The following FAM107B variants were observed in gnomAD, a reference collection of about 807,000 sequenced individuals.
The protein encoded by FAM107B is protein FAM107B.
In FAM107B, 21 loss-of-function variants were observed where a neutral mutation model predicts 31.5. The observed-to-expected ratio is 0.67, with a 90% confidence interval of 0.47 to 0.96. FAM107B has a LOEUF of 0.96. Among genes scored for constraint, FAM107B ranks in the 40% least tolerant of loss-of-function variants. FAM107B has a pLI of 0.00. For missense variants in FAM107B, 452 were observed against 377.1 expected (o/e 1.20, Z -1.64); for synonymous variants, 157 against 141.5 (o/e 1.11, Z -0.78).
chr10:14,719,272 T>C (rs891823431), intron 1 of FAM107B, among the ~76,000 whole-genome samples: 2 of 152,238 alleles, frequency 1.3e-5, no homozygotes, highest in African/African-American at 4.8e-5. Flanking sequence ...CTCCTGGCCC[T>C]ATTTTCTTGC....
At chr10:14,596,696 A>T (rs7919292) in intron 2 of FAM107B, among the ~76,000 whole-genome samples, 44,423 of 151,950 alleles carry the variant, frequency 0.29, 6,780 homozygotes, top group Admixed American at 0.36. Flanking sequence ...GCACAGAATA[A>T]CAGAATTCAC....
chr10:14,609,296 G>T (rs967915529), intron 2 of FAM107B, among the ~76,000 whole-genome samples: 1 of 152,156 alleles, frequency 6.6e-6, no homozygotes. Flanking sequence ...TGGGGTCTAT[G>T]CTGAAGGCCT....
rs115529845 is a variant in FAM107B at position 14,741,169 on chromosome 10, A to G, written c.411+33084T>C. Among the ~76,000 whole-genome samples, 186 of 152,334 alleles carry G rather than the reference A, an allele frequency of 1.2e-3. 1 individual carries two copies. The highest frequency in any genetic ancestry group is 4.4e-3 in the African/African-American group (181 of 41,580). On this transcript the variant is annotated intron_variant, in intron 1 of 4. Transcript: ENST00000181796. ...GGGTACCAGGTGAGGGTTTGGGGGC[A>G]GGAACCTGGGCTACAGAAAGAGGAA...
intron 2 of FAM107B, among the ~76,000 whole-genome samples, chr10:14,643,112 G>GGTAGGTAGATAT (rs897972535): frequency 1.4e-4 from 22 of 152,198 alleles, no homozygotes; most frequent in African/African-American, 4.1e-4. Flanking sequence ...TAGGTAGGTA[G>GGTAGGTAGATAT]GTAGGTAGAT....
chr10:14,603,810 G>C (rs1588652483), intron 2 of FAM107B, among the ~76,000 whole-genome samples: 1 of 151,858 alleles, frequency 6.6e-6, no homozygotes, highest in South Asian at 2.1e-4. Flanking sequence ...TGCCTGGCGG[G>C]GGCTGGCGTC....
chr10:14,553,010 T>C (rs535431614), intron 2 of FAM107B, among the ~76,000 whole-genome samples: 3 of 152,334 alleles, frequency 2.0e-5, no homozygotes, highest in South Asian at 2.1e-4. Context: ...CCAACAGCAA[T>C]GTACATTGGA....
intron 2 of FAM107B, among the ~76,000 whole-genome samples, chr10:14,583,912 G>A (rs1179691589): frequency 6.6e-6 from 1 of 152,170 alleles, no homozygotes; most frequent in East Asian, 1.9e-4. Flanking sequence ...CCCCGAAAGG[G>A]ACTCGTGGTC....
Position 14,694,544 on chromosome 10 carries a change from C to T in FAM107B, c.412-26853G>A, listed in dbSNP as rs570109235. Among the ~76,000 whole-genome samples, 10 of 152,096 alleles carry T rather than the reference C, an allele frequency of 6.6e-5. No individual in the cohort carries two copies. In the East Asian group the frequency reaches 9.7e-4, roughly 15 times the overall value. ...GATTACAGGCATGCGCCACTATGCC[C>T]GGCTAATTTTGTATTTTTAGTAGAG... On this transcript the variant is annotated intron_variant, in intron 1 of 4. Transcript: ENST00000181796.
chr10:14,562,182 G>A (rs1454793183), intron 2 of FAM107B, among the ~76,000 whole-genome samples: 1 of 152,206 alleles, frequency 6.6e-6, no homozygotes, highest in Non-Finnish European at 1.5e-5. Context: ...TTAACCAGTA[G>A]GGATGCCCTC....
At chr10:14,613,010 C>T (rs558832834) in intron 2 of FAM107B, among the ~76,000 whole-genome samples, 7 of 152,146 alleles carry the variant, frequency 4.6e-5, no homozygotes, top group Non-Finnish European at 8.8e-5. Flanking sequence ...CTCACTCTGT[C>T]GCTCAGGCTA....
intron 2 of FAM107B, among the ~76,000 whole-genome samples, chr10:14,648,001 G>GA (rs546564001): frequency 3.8e-4 from 50 of 132,658 alleles, no homozygotes; most frequent in East Asian, 6.4e-4. Context: ...ATTTTTAGCG[G>GA]AAAAAAAAAA....
chr10:14,665,450 G>A (rs1462611837), intron 2 of FAM107B, among the ~76,000 whole-genome samples: 1 of 152,186 alleles, frequency 6.6e-6, no homozygotes, highest in East Asian at 1.9e-4. Flanking sequence ...TCCTCCCAAC[G>A]TGTGTGAACA....
At chr10:14,695,303 G>C (rs1855239035) in intron 1 of FAM107B, among the ~76,000 whole-genome samples, 1 of 152,002 alleles carries the variant, frequency 6.6e-6, no homozygotes, top group African/African-American at 2.4e-5. Flanking sequence ...AAAATTAGTT[G>C]ACCATATGTG....
At chr10:14,758,558 C>T (rs12263001) in intron 1 of FAM107B, among the ~76,000 whole-genome samples, 1 of 152,086 alleles carries the variant, frequency 6.6e-6, no homozygotes, top group Non-Finnish European at 1.5e-5. Flanking sequence ...CCAAGTGATT[C>T]TGAGCATCCA....
chr10:14,589,453 T>C (rs570873625), intron 2 of FAM107B, among the ~76,000 whole-genome samples: 2 of 152,298 alleles, frequency 1.3e-5, no homozygotes, highest in African/African-American at 4.8e-5. Flanking sequence ...TTAGAGCTGG[T>C]AGGTTTTTAA....
intron 1 of FAM107B, among the ~76,000 whole-genome samples, chr10:14,674,255 T>C (rs540780608): frequency 1.3e-5 from 2 of 152,342 alleles, no homozygotes; most frequent in South Asian, 4.1e-4. Flanking sequence ...AATGAGATTA[T>C]ATCAGACTCC....
intron 2 of FAM107B, chr10:14,554,234 C>T (rs1849508497): frequency 3.8e-6 from 3 of 785,960 alleles, no homozygotes; most frequent in South Asian, 1.2e-4. Flanking sequence ...ACGAATACTT[C>T]CCACCTACCT....
intron 1 of FAM107B, among the ~76,000 whole-genome samples, chr10:14,674,179 C>T (rs564788084): frequency 6.6e-6 from 1 of 152,278 alleles, no homozygotes; most frequent in Non-Finnish European, 1.5e-5. Context: ...CACTTCAGCA[C>T]ATTGGTCTAG....
At chr10:14,647,507 C>T (rs1853786645) in intron 2 of FAM107B, among the ~76,000 whole-genome samples, 3 of 151,836 alleles carry the variant, frequency 2.0e-5, no homozygotes, top group South Asian at 2.1e-4. Flanking sequence ...GGTGAAACCC[C>T]GTCTCTACTA....
Sources: allele counts gnomAD v4.1 joint callset (sites outside exome capture counted in the v4.1 genomes callset), GRCh38; gene constraint gnomAD v4.1.1; transcripts MANE v1.5; gene names NCBI Gene and HGNC (gene_info 2026-07-23, HGNC 2026-07-21).